The following CNTN4 variants were observed in gnomAD, a reference collection of about 807,000 sequenced individuals.
The protein encoded by CNTN4 is contactin 4.
CNTN4 carries 77 observed loss-of-function variants against 122.5 expected under a neutral mutation model. That is an observed-to-expected ratio of 0.63 (90% CI 0.52 to 0.76). The LOEUF (loss-of-function observed/expected upper bound fraction) is 0.76, where lower values mean the gene tolerates loss of function less well. CNTN4 is among the 30% of genes least tolerant of loss of function. The pLI is 0.00. For missense variants in CNTN4, 1,256 were observed against 1,259.1 expected (o/e 1.00, Z 0.04); for synonymous variants, 512 against 447.0 (o/e 1.15, Z -1.83).
intron 4 of CNTN4, among the ~76,000 whole-genome samples, chr3:2,677,642 T>C (rs111284031): frequency 8.7e-4 from 133 of 152,232 alleles, no homozygotes; most frequent in African/African-American, 3.0e-3. Context: ...CATGGTTCAT[T>C]GTGAGTTTTT....
intron 4 of CNTN4, among the ~76,000 whole-genome samples, chr3:2,622,972 A>T (rs114284716): frequency 1.9e-4 from 29 of 152,190 alleles, no homozygotes; most frequent in African/African-American, 6.0e-4. Flanking sequence ...AATTCTGCAT[A>T]TACACATAAT....
At chr3:2,657,487 T>C in intron 4 of CNTN4, among the ~76,000 whole-genome samples, 1 of 152,192 alleles carries the variant, frequency 6.6e-6, no homozygotes, top group Non-Finnish European at 1.5e-5. Flanking sequence ...AAGATTAGTA[T>C]TTATTTTGGT....
chr3:2,456,745 C>T (rs567013950), intron 3 of CNTN4, among the ~76,000 whole-genome samples: 1 of 151,950 alleles, frequency 6.6e-6, no homozygotes, highest in Non-Finnish European at 1.5e-5. Context: ...GTATATATAC[C>T]GCATTTTGTT....
chr3:2,892,611 C>T (rs533178805), intron 10 of CNTN4, among the ~76,000 whole-genome samples: 99 of 152,016 alleles, frequency 6.5e-4, no homozygotes, highest in Non-Finnish European at 8.8e-5. Flanking sequence ...TCCTTTTTGC[C>T]CAAAAAGACT....
At chr3:2,714,452 G>T (rs974272056) in intron 4 of CNTN4, among the ~76,000 whole-genome samples, 5 of 152,112 alleles carry the variant, frequency 3.3e-5, no homozygotes, top group Admixed American at 2.6e-4. Context: ...TGTTTCACTG[G>T]TTGGGTTGCC....
At chr3:2,413,835 C>T (rs1190395599) in intron 3 of CNTN4, among the ~76,000 whole-genome samples, 1 of 152,164 alleles carries the variant, frequency 6.6e-6, no homozygotes, top group East Asian at 1.9e-4. Context: ...GCCACTGCGC[C>T]CGGCCCATGA....
At chr3:2,797,400 C>G (rs1407081451) in intron 6 of CNTN4, among the ~76,000 whole-genome samples, 3 of 152,164 alleles carry the variant, frequency 2.0e-5, no homozygotes, top group Non-Finnish European at 4.4e-5. Context: ...GAGTTCGAGA[C>G]CAACCTGGCC....
At chr3:2,623,888 T>C (rs911881820) in intron 4 of CNTN4, among the ~76,000 whole-genome samples, 1 of 152,114 alleles carries the variant, frequency 6.6e-6, no homozygotes, top group Admixed American at 6.5e-5. Context: ...GCCTCACACA[T>C]AGAAAAAAAC....
intron 4 of CNTN4, among the ~76,000 whole-genome samples, chr3:2,644,841 G>C (rs1018606752): frequency 2.0e-5 from 3 of 148,038 alleles, no homozygotes; most frequent in Admixed American, 7.0e-5. Context: ...TCTAACTGAT[G>C]TCAAGAAAAG....
intron 3 of CNTN4, among the ~76,000 whole-genome samples, chr3:2,427,938 A>G (rs895253994): frequency 1.3e-4 from 20 of 151,758 alleles, no homozygotes; most frequent in Non-Finnish European, 2.8e-4. Flanking sequence ...ATCTTCCTCC[A>G]TCCCTTTATT....
At chr3:2,508,080 C>T (rs907058557) in intron 3 of CNTN4, among the ~76,000 whole-genome samples, 4 of 152,136 alleles carry the variant, frequency 2.6e-5, no homozygotes, top group Non-Finnish European at 5.9e-5. Flanking sequence ...GTCTCTGGGT[C>T]ATTGTTATTA....
chr3:2,481,037 C>CTTTCTTTCTTTCTTTCTTTG (rs2075980874), intron 3 of CNTN4, among the ~76,000 whole-genome samples: 1 of 133,860 alleles, frequency 7.5e-6, no homozygotes, highest in Non-Finnish European at 1.6e-5. Flanking sequence ...TTTTTCTTTT[C>CTTTCTTTCTTTCTTTCTTTG]TTTCTTTCTT....
chr3:2,560,038 C>T (rs537124096), intron 3 of CNTN4, among the ~76,000 whole-genome samples: 20 of 152,236 alleles, frequency 1.3e-4, no homozygotes, highest in African/African-American at 4.8e-4. Context: ...GTTTATTTAC[C>T]ATTACATGAG....
At chr3:2,911,427 G>A (rs6763540) in intron 12 of CNTN4, among the ~76,000 whole-genome samples, 111,657 of 152,078 alleles carry the variant, frequency 0.73, 41,138 homozygotes, top group Middle Eastern at 0.85. Context: ...AGAGATTTGC[G>A]GAATCTCTAG....
At chr3:2,199,636 G>A (rs1483076798) in intron 2 of CNTN4, among the ~76,000 whole-genome samples, 2 of 152,144 alleles carry the variant, frequency 1.3e-5, no homozygotes, top group African/African-American at 4.8e-5. Flanking sequence ...TGGGAATATA[G>A]TGATGAACAA....
intron 13 of CNTN4, among the ~76,000 whole-genome samples, chr3:2,955,485 A>G (rs1577392618): frequency 6.6e-6 from 1 of 152,222 alleles, no homozygotes; most frequent in Non-Finnish European, 1.5e-5. Flanking sequence ...AGCTCTAGAC[A>G]TTAAATATTC....
chr3:2,984,438 G>C (rs575466064), intron 13 of CNTN4, among the ~76,000 whole-genome samples: 7 of 152,310 alleles, frequency 4.6e-5, no homozygotes, highest in Middle Eastern at 3.4e-3. Flanking sequence ...AGAGCTATGG[G>C]AGTCCAGTGG....
intron 13 of CNTN4, among the ~76,000 whole-genome samples, chr3:2,961,769 G>A (rs184893896): frequency 1.3e-5 from 2 of 152,268 alleles, no homozygotes; most frequent in Non-Finnish European, 2.9e-5. Context: ...TAAGCAGACT[G>A]GAGTTTAGCC....
At chr3:2,778,041 C>T (rs999225915) in intron 6 of CNTN4, among the ~76,000 whole-genome samples, 20 of 150,994 alleles carry the variant, frequency 1.3e-4, no homozygotes, top group South Asian at 4.2e-4. Flanking sequence ...GGTGAAACCC[C>T]GTCTCTACTA....
Sources: gnomAD v4.1 joint callset for allele counts (sites outside exome capture counted in the v4.1 genomes callset) on GRCh38, gnomAD v4.1.1 for gene constraint, MANE v1.5 for transcripts, NCBI Gene and HGNC (gene_info 2026-07-23, HGNC 2026-07-21) for gene names.